CSGALNACT2: variants seen among roughly 807,000 people sequenced by gnomAD.
The protein encoded by CSGALNACT2 is beta 4 GalNAcT-2.
A neutral mutation model predicts 55.3 loss-of-function variants in CSGALNACT2; 35 were observed. That is an observed-to-expected ratio of 0.63 (90% CI 0.48 to 0.84). The LOEUF (loss-of-function observed/expected upper bound fraction) is 0.84. Among genes scored for constraint, CSGALNACT2 ranks in the 40% least tolerant of loss-of-function variants. CSGALNACT2 has a pLI of 0.00. For synonymous variants in CSGALNACT2, 196 were observed against 224.9 expected (o/e 0.87, Z 1.15); for missense variants, 544 against 657.5 (o/e 0.83, Z 1.89).
chr10:43,164,294 A>C (rs1187321897), intron 5 of CSGALNACT2, among the ~76,000 whole-genome samples: 1 of 152,244 alleles, frequency 6.6e-6, no homozygotes, highest in Non-Finnish European at 1.5e-5. Context: ...ATGGAAATGC[A>C]GAGGAACAGG....
intron 6 of CSGALNACT2, among the ~76,000 whole-genome samples, chr10:43,172,069 TTC>T (rs1839393637): frequency 1.3e-5 from 2 of 152,230 alleles, no homozygotes; most frequent in South Asian, 2.1e-4. Flanking sequence ...TTCAGGCCAG[TTC>T]TCTGAGTCGA....
chr10:43,166,301 A>T (rs1029981770), intron 5 of CSGALNACT2, among the ~76,000 whole-genome samples: 3 of 152,238 alleles, frequency 2.0e-5, no homozygotes, highest in Non-Finnish European at 4.4e-5. Flanking sequence ...TGTAATAAAA[A>T]GGTTGCCATG....
rs1348991138 is a variant in CSGALNACT2, at chr10:43,183,696, A to T, written c.*154A>T. ...TTTAGCAATTCAACTTGATGTGAGA[A>T]GAAAAAACAAATGTTTCAACACAAA... On this transcript the variant is annotated 3_prime_UTR_variant, in exon 8 of 8. Transcript: ENST00000374466. The T allele has an allele frequency of 1.6e-5, 10 of 631,296 alleles. No homozygotes were observed. Among genetic ancestry groups the T allele is most frequent in the Non-Finnish European group, 2.5e-5 (9 of 362,190 alleles). The allele number at this position is 631,296 out of a possible 1,614,324, so 39.1% of individuals were successfully genotyped here. A position where few individuals can be genotyped will look rare whatever the true frequency, so the allele number is the denominator to read the frequency against.
chr10:43,163,639 T>C (rs904477964), intron 4 of CSGALNACT2: 8 of 985,320 alleles, frequency 8.1e-6, no homozygotes, highest in African/African-American at 5.2e-5. Flanking sequence ...TTTAACACTT[T>C]TGGAGCCTCA....
intron 7 of CSGALNACT2, among the ~76,000 whole-genome samples, chr10:43,178,553 G>A (rs183882665): frequency 7.7e-4 from 116 of 150,970 alleles, no homozygotes; most frequent in African/African-American, 2.4e-3. Flanking sequence ...CCTGGGAGGC[G>A]GAGTTTGCAG....
intron 1 of CSGALNACT2, among the ~76,000 whole-genome samples, chr10:43,142,491 C>T (rs935231163): frequency 4.6e-5 from 7 of 152,150 alleles, no homozygotes; most frequent in Non-Finnish European, 1.0e-4. Flanking sequence ...CATGAGCCAC[C>T]GTGCCCAGCC....
At chr10:43,180,162 AG>A (rs1839562438) in intron 7 of CSGALNACT2, among the ~76,000 whole-genome samples, 1 of 152,194 alleles carries the variant, frequency 6.6e-6, no homozygotes, top group South Asian at 2.1e-4. Flanking sequence ...GGTGAAAAAG[AG>A]CTGCACCTGT....
Position 43,168,896 on chromosome 10 carries a change from C to T in CSGALNACT2, c.1254+1798C>T, listed in dbSNP as rs115605483. Among the ~76,000 whole-genome samples, 794 of 152,302 alleles carry T rather than the reference C, an allele frequency of 5.2e-3. 6 individuals carry two copies. Among genetic ancestry groups the T allele is most frequent in the African/African-American group, 0.017 (718 of 41,546 alleles). On this transcript the variant is annotated intron_variant, in intron 6 of 7. Coordinates refer to ENST00000374466, the MANE Select transcript of CSGALNACT2 (RefSeq NM_018590.5). ...TTGAGAACTTTCTGTAAGACGATAG[C>T]AGTTAGCGTAAGATTTCTGGAGGAG...
intron 1 of CSGALNACT2, among the ~76,000 whole-genome samples, chr10:43,153,787 A>C (rs761055340): frequency 6.6e-6 from 1 of 152,222 alleles, no homozygotes; most frequent in Non-Finnish European, 1.5e-5. Flanking sequence ...AAGAGTTCGC[A>C]CAACTGGTTG....
intron 3 of CSGALNACT2, 35 bp downstream of exon 3, chr10:43,158,966 T>G: frequency 1.6e-6 from 2 of 1,271,772 alleles, no homozygotes; most frequent in Non-Finnish European, 2.3e-6. Context: ...AGCTACATTC[T>G]CCTAAAAAAA....
intron 4 of CSGALNACT2, chr10:43,162,874 C>T: frequency 1.0e-6 from 1 of 985,062 alleles, no homozygotes; most frequent in Non-Finnish European, 1.2e-6. Flanking sequence ...ACTGTGAGAA[C>T]CACTGCCCTA....
intron 2 of CSGALNACT2, among the ~76,000 whole-genome samples, chr10:43,157,306 T>C (rs1588899724): frequency 6.6e-6 from 1 of 152,248 alleles, no homozygotes; most frequent in East Asian, 1.9e-4. Flanking sequence ...GCTTTTGTCT[T>C]ATAACTCTCC....
At chr10:43,157,744 A>G (rs1387364252) in intron 2 of CSGALNACT2, among the ~76,000 whole-genome samples, 1 of 152,056 alleles carries the variant, frequency 6.6e-6, no homozygotes, top group Non-Finnish European at 1.5e-5. Flanking sequence ...TAAAAATCAG[A>G]TTGCCACTGG....
rs867409134 is a variant in CSGALNACT2, at chr10:43,163,734, T to G, written c.981-132T>G. 37 of 1,357,884 alleles carry G rather than the reference T, an allele frequency of 2.7e-5. 1 individual carries two copies. The Middle Eastern group carries it at 1.4e-3, about 52-fold the overall frequency. The allele number at this position is 1,357,884 out of a possible 1,614,324, so 84.1% of individuals were successfully genotyped here. A position where few individuals can be genotyped will look rare whatever the true frequency, so the allele number is the denominator to read the frequency against. On this transcript the variant is annotated intron_variant, in intron 4 of 7. Coordinates refer to ENST00000374466, the MANE Select transcript of CSGALNACT2 (RefSeq NM_018590.5). Reference sequence around the variant, plus strand: ...ATACACATGAAGCTGGGATTTTCTTTCCCTTTGTGAATGTAGAACCAATAT... The same window carrying G: ...ATACACATGAAGCTGGGATTTTCTTGCCCTTTGTGAATGTAGAACCAATAT...
chr10:43,140,162 C>T (rs1315097820), intron 1 of CSGALNACT2, among the ~76,000 whole-genome samples: 1 of 151,908 alleles, frequency 6.6e-6, no homozygotes, highest in Admixed American at 6.6e-5. Flanking sequence ...ACGACAGAGC[C>T]TGACTCGGTC....
At chr10:43,163,195 T>C (rs1283836704) in intron 4 of CSGALNACT2, 1 of 985,096 alleles carries the variant, frequency 1.0e-6, no homozygotes, top group Admixed American at 6.1e-5. Context: ...TTCTAACATC[T>C]TCTCTAACTA....
At chr10:43,158,638 G>C (rs1191140836) in intron 2 of CSGALNACT2, 77 bp from the exon 3 acceptor site, 1 of 838,990 alleles carries the variant, frequency 1.2e-6, no homozygotes. Context: ...TTATGTTTAA[G>C]TGAGTAAAAT....
chr10:43,178,402 C>G (rs1032698039), intron 7 of CSGALNACT2, among the ~76,000 whole-genome samples: 12 of 152,112 alleles, frequency 7.9e-5, no homozygotes, highest in Admixed American at 6.5e-4. Context: ...GCGGGCAGAT[C>G]ACGAGGTCAG....
intron 6 of CSGALNACT2, among the ~76,000 whole-genome samples, chr10:43,175,211 T>C (rs1359262495): frequency 6.6e-6 from 1 of 152,098 alleles, no homozygotes; most frequent in Admixed American, 6.5e-5. Flanking sequence ...AAAGCACCCA[T>C]AGACAATTTG....
Sources: allele counts gnomAD v4.1 joint callset (sites outside exome capture counted in the v4.1 genomes callset), GRCh38; gene constraint gnomAD v4.1.1; transcripts MANE v1.5; gene names NCBI Gene and HGNC (gene_info 2026-07-23, HGNC 2026-07-21).